DACH2: variants seen among roughly 807,000 people sequenced by gnomAD.
The protein encoded by DACH2 is dachshund homolog 2.
DACH2 carries 17 observed loss-of-function variants against 35.8 expected under a neutral mutation model. The observed-to-expected ratio is 0.48, with a 90% CI of 0.33 to 0.71. DACH2 has a LOEUF of 0.71. DACH2 is among the 30% of genes least tolerant of loss of function. DACH2 has a pLI of 0.02. For synonymous variants in DACH2, 195 were observed against 177.3 expected (o/e 1.10, Z -0.79); for missense variants, 469 against 472.7 (o/e 0.99, Z 0.07).
At chrX:86,309,147 T>A (rs754614651) in intron 1 of DACH2, among the ~76,000 whole-genome samples, 2 of 112,059 alleles carry the variant, frequency 1.8e-5, no homozygotes, top group African/African-American at 6.5e-5. Flanking sequence ...ATTAAGGACT[T>A]GAAAGACACA....
At chrX:86,150,278 G>T (rs913432521) in intron 1 of DACH2, among the ~76,000 whole-genome samples, 8 of 111,923 alleles carry the variant, frequency 7.1e-5, no homozygotes, top group African/African-American at 2.6e-4. Flanking sequence ...TTGTAAAACA[G>T]CACTACTGCT....
At chrX:86,746,760 G>A in intron 7 of DACH2, among the ~76,000 whole-genome samples, 1 of 110,856 alleles carries the variant, frequency 9.0e-6, no homozygotes, top group South Asian at 3.8e-4. Flanking sequence ...TTGATGGACA[G>A]GTTATTCATT....
intron 1 of DACH2, among the ~76,000 whole-genome samples, chrX:86,204,667 G>A (rs1394045768): frequency 8.9e-6 from 1 of 112,065 alleles, no homozygotes; most frequent in Non-Finnish European, 1.9e-5. Context: ...TTATCTGAAA[G>A]ATGTTTGCAC....
intron 1 of DACH2, among the ~76,000 whole-genome samples, chrX:86,243,115 TC>T (rs1434150374): frequency 1.8e-5 from 2 of 111,655 alleles, no homozygotes; most frequent in Admixed American, 1.9e-4. Context: ...TGTTCTTCAT[TC>T]TTTCCCACAT....
intron 1 of DACH2, among the ~76,000 whole-genome samples, chrX:86,295,319 T>A (rs1258647968): frequency 8.9e-6 from 1 of 111,963 alleles, no homozygotes; most frequent in Non-Finnish European, 1.9e-5. Flanking sequence ...CCCACTGTCT[T>A]GCACTCCCTA....
At chrX:86,398,770 T>A (rs2036355887) in intron 2 of DACH2, among the ~76,000 whole-genome samples, 1 of 112,053 alleles carries the variant, frequency 8.9e-6, no homozygotes, top group African/African-American at 3.3e-5. Flanking sequence ...TGTTACAATT[T>A]CTGTTCTTTT....
At chrX:86,456,367 A>C (rs774706865) in intron 2 of DACH2, among the ~76,000 whole-genome samples, 1 of 111,829 alleles carries the variant, frequency 8.9e-6, no homozygotes, top group South Asian at 3.7e-4. Context: ...ATTTTTAATT[A>C]TTCTTTAGTG....
At chrX:86,524,789 A>G in intron 3 of DACH2, among the ~76,000 whole-genome samples, 1 of 111,075 alleles carries the variant, frequency 9.0e-6, no homozygotes, top group Non-Finnish European at 1.9e-5. Flanking sequence ...GATATTGCTT[A>G]TTTCTGGAGG....
intron 2 of DACH2, among the ~76,000 whole-genome samples, chrX:86,489,339 C>G (rs1346950372): frequency 1.8e-5 from 2 of 110,188 alleles, no homozygotes; most frequent in Middle Eastern, 8.7e-3. Flanking sequence ...CCAAAGTTCT[C>G]ATTTTTAAGT....
chrX:86,641,805 A>T (rs2148398644), intron 3 of DACH2, among the ~76,000 whole-genome samples: 1 of 111,915 alleles, frequency 8.9e-6, no homozygotes, highest in Admixed American at 9.4e-5. Context: ...ATATTTATTC[A>T]ACGTTCTTAA....
intron 1 of DACH2, among the ~76,000 whole-genome samples, chrX:86,338,690 T>C (rs1476645527): frequency 9.0e-6 from 1 of 111,143 alleles, no homozygotes. Flanking sequence ...ATTCAAAAGC[T>C]AGGAGAAGAC....
At chrX:86,781,488 C>A (rs748045911) in intron 7 of DACH2, among the ~76,000 whole-genome samples, 1 of 111,271 alleles carries the variant, frequency 9.0e-6, no homozygotes, top group African/African-American at 3.3e-5. Flanking sequence ...AACAGTTCAC[C>A]CCAAGAACTA....
chrX:86,525,096 A>T (rs2038612348), intron 3 of DACH2, among the ~76,000 whole-genome samples: 1 of 111,707 alleles, frequency 9.0e-6, no homozygotes, highest in African/African-American at 3.3e-5. Context: ...TAAATCTCAG[A>T]GACAATAAAG....
intron 1 of DACH2, among the ~76,000 whole-genome samples, chrX:86,366,807 C>T (rs1337217918): frequency 9.1e-6 from 1 of 109,928 alleles, no homozygotes; most frequent in Non-Finnish European, 1.9e-5. Flanking sequence ...CTTTTTGCTT[C>T]CCCTCTTGCC....
At chrX:86,278,211 C>A (rs775461765) in intron 1 of DACH2, among the ~76,000 whole-genome samples, 2 of 111,993 alleles carry the variant, frequency 1.8e-5, no homozygotes, top group Non-Finnish European at 3.8e-5. Context: ...AACTTCAATG[C>A]CTGCAGCCAT....
intron 7 of DACH2, among the ~76,000 whole-genome samples, chrX:86,749,322 T>G (rs2041747564): frequency 8.9e-6 from 1 of 112,043 alleles, no homozygotes; most frequent in Non-Finnish European, 1.9e-5. Context: ...TTGACATGCC[T>G]TCCTTACTAA....
At chrX:86,804,422 C>T (rs2042323622) in intron 7 of DACH2, among the ~76,000 whole-genome samples, 1 of 111,762 alleles carries the variant, frequency 8.9e-6, no homozygotes, top group Non-Finnish European at 1.9e-5. Flanking sequence ...GCATCTCCAA[C>T]ACTGGGGATG....
At chrX:86,684,530 T>A (rs951876085) in intron 4 of DACH2, among the ~76,000 whole-genome samples, 1 of 111,225 alleles carries the variant, frequency 9.0e-6, no homozygotes, top group Non-Finnish European at 1.9e-5. Context: ...TAGGTATATA[T>A]ACTTAAATTA....
rs199961209 is a variant in DACH2, at chrX:86,825,427, AAG to A, written c.1751-6678_1751-6677del. 3.3e-3 allele frequency among the ~76,000 whole-genome samples: 278 copies of A among 85,135 alleles called. 3 individuals are homozygous for A. Among genetic ancestry groups the A allele is most frequent in the Non-Finnish European group, 4.1e-3 (171 of 42,006 alleles). 73.9% of individuals were successfully genotyped at this position (85,135 alleles called of 115,157 possible). On this transcript the variant is annotated intron_variant, in intron 11 of 11. Coordinates refer to ENST00000373125, the MANE Select transcript of DACH2 (RefSeq NM_053281.3). ...GCAAGACTCTGTCTCAGAAAAAAAA[AAG>A]GAAAAAAGAAGAAGAAAAAACATTT... is the stretch of plus-strand genomic sequence containing the variant.
Sources: gnomAD v4.1 joint callset for allele counts (sites outside exome capture counted in the v4.1 genomes callset) on GRCh38, gnomAD v4.1.1 for gene constraint, MANE v1.5 for transcripts, NCBI Gene and HGNC (gene_info 2026-07-23, HGNC 2026-07-21) for gene names.